Variants in GDPD4 observed in about 807,000 individuals in gnomAD.
GDPD4 encodes glycerophosphodiester phosphodiesterase 6.
A neutral mutation model predicts 67.8 loss-of-function variants in GDPD4; 60 were observed. The observed-to-expected ratio is 0.88, with a 90% confidence interval of 0.72 to 1.10. GDPD4 has a LOEUF of 1.10. GDPD4 is among the 50% of genes least tolerant of loss of function. The pLI is 0.00. For synonymous variants in GDPD4, 212 were observed against 210.9 expected, an observed-to-expected ratio of 1.00 and a Z score of -0.04; for missense variants, 623 against 613.9, an observed-to-expected ratio of 1.01 and a Z score of -0.16.
chr11:77,218,415 G>A (rs1266727872), intron 16 of GDPD4, among the ~76,000 whole-genome samples: 3 of 152,076 alleles, frequency 2.0e-5, no homozygotes, highest in Admixed American at 1.3e-4. Context: ...TATACTTTAA[G>A]TTCTAGGGTA....
chr11:77,219,650 CTTGT>C (rs1216477092), intron 16 of GDPD4, among the ~76,000 whole-genome samples: 1 of 152,206 alleles, frequency 6.6e-6, no homozygotes, highest in African/African-American at 2.4e-5. Flanking sequence ...TTCCCCATTT[CTTGT>C]TTTTGTCAGG....
intron 14 of GDPD4, among the ~76,000 whole-genome samples, chr11:77,229,707 C>A (rs1343248000): frequency 6.6e-6 from 1 of 152,232 alleles, no homozygotes; most frequent in Non-Finnish European, 1.5e-5. Flanking sequence ...TTAACACATT[C>A]CCAGGTGATG....
At position 77,261,531 on chromosome 11, in the gene GDPD4, C is replaced by A. The variant is rs370825571; in HGVS notation, c.708-2989G>T. 1.5e-3 allele frequency among the ~76,000 whole-genome samples: 224 copies of A among 152,310 alleles called. 2 individuals carry two copies. In the Middle Eastern group the frequency reaches 0.02, roughly 14 times the overall value. ...GGGATTACAGGCTTGAGCCACCACGCCCAGCCAAATCTAACATCTAGACAC... is the reference window on the plus strand; with the variant it reads ...GGGATTACAGGCTTGAGCCACCACGACCAGCCAAATCTAACATCTAGACAC... On this transcript the variant is annotated intron_variant, in intron 10 of 16. Coordinates refer to ENST00000315938, the MANE Select transcript of GDPD4 (RefSeq NM_182833.3).
chr11:77,271,369 G>A lies in GDPD4; in HGVS notation c.232C>T (p.Leu78=). 2.5e-6 allele frequency: 4 copies of A among 1,612,828 alleles called. No homozygotes were observed. The highest frequency in any genetic ancestry group is 3.4e-6 in the Non-Finnish European group (4 of 1,178,942). ...HKILILLVIL[L]CVILMFIICK... ...ATAATGAACATTAAAATGACACACA[G>A]AAGAATCACTAGCAGAATCAGGATC... Residue 78 remains leucine (L), a synonymous_variant, in exon 6 of 17, where the codon CTG becomes TTG. Transcript: ENST00000315938.
intron 1 of GDPD4, among the ~76,000 whole-genome samples, chr11:77,296,654 G>T (rs1018779150): frequency 6.6e-6 from 1 of 151,896 alleles, no homozygotes; most frequent in African/African-American, 2.4e-5. Context: ...CCTGTGAAAA[G>T]ACTTTCTGGA....
At chr11:77,220,565 T>A (rs908356928) in intron 16 of GDPD4, among the ~76,000 whole-genome samples, 1 of 152,168 alleles carries the variant, frequency 6.6e-6, no homozygotes, top group Non-Finnish European at 1.5e-5. Flanking sequence ...CAACTTGATC[T>A]TGGTAGATTA....
intron 5 of GDPD4, among the ~76,000 whole-genome samples, chr11:77,273,764 T>C (rs1476715396): frequency 2.0e-5 from 3 of 152,156 alleles, no homozygotes; most frequent in African/African-American, 4.8e-5. Context: ...TTTCTTAGTA[T>C]AATATAGAAG....
chr11:77,251,812 T>G (rs1958903963), intron 11 of GDPD4, among the ~76,000 whole-genome samples: 1 of 152,210 alleles, frequency 6.6e-6, no homozygotes, highest in Non-Finnish European at 1.5e-5. Flanking sequence ...ACTCTTTCCC[T>G]CAGGAACATC....
intron 3 of GDPD4, among the ~76,000 whole-genome samples, chr11:77,280,209 G>A (rs956241977): frequency 6.6e-6 from 1 of 151,942 alleles, no homozygotes; most frequent in Admixed American, 6.5e-5. Context: ...AAATATGTAA[G>A]GGATGTCAAC....
At chr11:77,260,048 C>T (rs1959080972) in intron 10 of GDPD4, among the ~76,000 whole-genome samples, 1 of 152,064 alleles carries the variant, frequency 6.6e-6, no homozygotes, top group African/African-American at 2.4e-5. Context: ...TGGCCAGGCG[C>T]GGTGGCTCAC....
At chr11:77,299,687 A>C (rs757541354) in intron 1 of GDPD4, among the ~76,000 whole-genome samples, 6 of 152,212 alleles carry the variant, frequency 3.9e-5, no homozygotes, top group Admixed American at 3.3e-4. Context: ...GAAGTTGTCC[A>C]AGAGAGTAAG....
In GDPD4 at chr11:77,269,913, T is replaced by G. The variant is rs1298520718; in HGVS notation, c.448A>C (p.Lys150Gln). Residue 150 changes from lysine to glutamine, a missense_variant, in exon 8 of 17, where the codon AAG (lysine) becomes CAG (glutamine). Coordinates refer to ENST00000315938, the MANE Select transcript of GDPD4 (RefSeq NM_182833.3). Reference sequence around the variant, plus strand: ...AACCTTGTGATTACATTACATTGCTTGAGTCTTTTTTTCTCAGAATGTGTC... The same window carrying G: ...AACCTTGTGATTACATTACATTGCTGGAGTCTTTTTTTCTCAGAATGTGTC... ...RMTHSEKKRL[K>Q]QCNVITRLRG... The G allele has an allele frequency of 6.3e-7, 1 of 1,591,066 alleles. No homozygotes were observed. The highest frequency in any genetic ancestry group is 8.6e-7 in the Non-Finnish European group (1 of 1,160,904).
chr11:77,239,906 G>A (rs1958631564), intron 13 of GDPD4, among the ~76,000 whole-genome samples: 2 of 151,668 alleles, frequency 1.3e-5, no homozygotes, highest in African/African-American at 2.4e-5. Flanking sequence ...AGGTTGCAAT[G>A]GGCAGAGATT....
intron 16 of GDPD4, among the ~76,000 whole-genome samples, chr11:77,222,315 T>A (rs1395110769): frequency 6.6e-6 from 1 of 152,250 alleles, no homozygotes; most frequent in Admixed American, 6.5e-5. Flanking sequence ...TCTTCCTAGC[T>A]TTGACGGTCT....
In GDPD4 at chr11:77,283,253, G is replaced by A. The variant is rs190135751; in HGVS notation, c.53+1832C>T. Reference sequence around the variant, plus strand: ...GGATATTTCTGTAAAATGCCTGGAAGAGCAATTCCAAAAAGTAGCTAGGGA... The same window carrying A: ...GGATATTTCTGTAAAATGCCTGGAAAAGCAATTCCAAAAAGTAGCTAGGGA... On this transcript the variant is annotated intron_variant, in intron 3 of 16. Transcript: ENST00000315938. Among the ~76,000 whole-genome samples, 12 of 152,336 alleles carry A rather than the reference G, an allele frequency of 7.9e-5. 1 individual carries two copies. The highest frequency in any genetic ancestry group is 2.9e-4 in the African/African-American group (12 of 41,588).
chr11:77,232,653 C>CT (rs1483303784), intron 14 of GDPD4, among the ~76,000 whole-genome samples: 1 of 152,198 alleles, frequency 6.6e-6, no homozygotes, highest in African/African-American at 2.4e-5. Flanking sequence ...AAAGGTGGGG[C>CT]TACAGTAACA....
At chr11:77,279,692 G>A (rs1297139127) in intron 3 of GDPD4, among the ~76,000 whole-genome samples, 2 of 151,872 alleles carry the variant, frequency 1.3e-5, no homozygotes, top group Admixed American at 1.3e-4. Context: ...ACAGAAATTT[G>A]GGAATACCGG....
At chr11:77,265,263 T>C (rs1670451) in intron 10 of GDPD4, among the ~76,000 whole-genome samples, 102,080 of 151,950 alleles carry the variant, frequency 0.67, 34,454 homozygotes, top group East Asian at 0.77. Flanking sequence ...CCTAGAAGGG[T>C]AGACCAATAA....
At chr11:77,240,362 A>G (rs1220710982) in intron 13 of GDPD4, among the ~76,000 whole-genome samples, 1 of 152,244 alleles carries the variant, frequency 6.6e-6, no homozygotes, top group Non-Finnish European at 1.5e-5. Context: ...AATTTCAACA[A>G]AGATGCCAAG....
Sources: allele counts gnomAD v4.1 joint callset (sites outside exome capture counted in the v4.1 genomes callset), GRCh38; gene constraint gnomAD v4.1.1; transcripts MANE v1.5; gene names NCBI Gene and HGNC (gene_info 2026-07-23, HGNC 2026-07-21).